Variants in EPHA3 observed in about 807,000 individuals in gnomAD.
The protein encoded by EPHA3 is ephrin type-A receptor 3.
Under a neutral mutation model 107.1 loss-of-function variants are expected in EPHA3, and 42 were observed. The observed-to-expected ratio is 0.39, with a 90% CI of 0.31 to 0.51. The LOEUF is 0.51. Among genes scored for constraint, EPHA3 ranks in the 20% least tolerant of loss-of-function variants. The probability of loss-of-function intolerance (pLI) is 0.78; values close to 1 mark genes in which losing one functional copy is unlikely to be tolerated. For synonymous variants in EPHA3, 461 were observed against 424.8 expected (o/e 1.09, Z -1.05); for missense variants, 1,183 against 1,211.2 (o/e 0.98, Z 0.35).
At chr3:89,458,623 T>G (rs1710149652) in intron 15 of EPHA3, among the ~76,000 whole-genome samples, 1 of 152,066 alleles carries the variant, frequency 6.6e-6, no homozygotes, top group African/African-American at 2.4e-5. Context: ...TTGAACTAAT[T>G]TACACGCCCA....
chr3:89,256,572 GAAATAAATAAATAAAT>G (rs370171364), intron 3 of EPHA3, among the ~76,000 whole-genome samples: 18 of 148,570 alleles, frequency 1.2e-4, no homozygotes, highest in South Asian at 4.3e-4. Flanking sequence ...CAAAAATAAG[GAAATAAATAAATAAAT>G]AAATAAATAA....
rs138119313 is a variant in EPHA3, at chr3:89,419,260, T to C, written c.1944T>C (p.Ile648=). The C allele has an allele frequency of 9.2e-5, 148 of 1,610,138 alleles. 1 individual carries two copies. Among genetic ancestry groups the C allele is most frequent in the Non-Finnish European group, 1.2e-4 (142 of 1,177,648 alleles). Reference sequence around the variant, plus strand: ...TAAAACTTCCTTCAAAAAAAGAGATTTCAGTGGCCATTAAGACCCTGAAAG... The same window carrying C: ...TAAAACTTCCTTCAAAAAAAGAGATCTCAGTGGCCATTAAGACCCTGAAAG... ...GRLKLPSKKE[I]SVAIKTLKVG... is the part of the protein sequence containing the mutation. Residue 648 remains isoleucine (I), a synonymous_variant, in exon 11 of 17, where the codon ATT becomes ATC. Transcript: ENST00000336596.
intron 3 of EPHA3, among the ~76,000 whole-genome samples, chr3:89,232,362 C>T (rs892819510): frequency 1.3e-5 from 2 of 151,910 alleles, no homozygotes; most frequent in East Asian, 1.9e-4. Context: ...CTGGCGGAGG[C>T]GGGAGCAGCA....
intron 3 of EPHA3, among the ~76,000 whole-genome samples, chr3:89,230,462 G>A (rs933129489): frequency 4.6e-5 from 7 of 152,064 alleles, no homozygotes; most frequent in African/African-American, 1.4e-4. Flanking sequence ...TGTGGAGTGA[G>A]CTGTGGAATG....
At chr3:89,253,699 A>G (rs1411179892) in intron 3 of EPHA3, among the ~76,000 whole-genome samples, 1 of 152,158 alleles carries the variant, frequency 6.6e-6, no homozygotes, top group Non-Finnish European at 1.5e-5. Context: ...TTTAGCTTAC[A>G]CACTGAGTTT....
At chr3:89,252,583 A>C (rs1193292387) in intron 3 of EPHA3, among the ~76,000 whole-genome samples, 1 of 152,116 alleles carries the variant, frequency 6.6e-6, no homozygotes, top group East Asian at 1.9e-4. Flanking sequence ...TTAAAAAATT[A>C]GTCAGGCATG....
At chr3:89,261,328 T>G (rs1705410132) in intron 3 of EPHA3, among the ~76,000 whole-genome samples, 1 of 152,182 alleles carries the variant, frequency 6.6e-6, no homozygotes, top group South Asian at 2.1e-4. Flanking sequence ...ACCTCCTGCC[T>G]TGTTCTTTGT....
intron 13 of EPHA3, 74 bp from the exon 14 acceptor site, chr3:89,449,151 G>C (rs1261781747): frequency 4.5e-6 from 6 of 1,327,602 alleles, no homozygotes; most frequent in Middle Eastern, 2.0e-4. Context: ...ATTCTGTCCG[G>C]TTTCAGATTA....
Position 89,423,732 on chromosome 3 carries a change from C to A in EPHA3, c.2074+4342C>A, listed in dbSNP as rs572092897. ...CATATTTAAACAGCTTTTGTTACTT[C>A]TTCATCACTGTCCACTTATGTCCCT... On this transcript the variant is annotated intron_variant, in intron 11 of 16. Coordinates refer to ENST00000336596, the MANE Select transcript of EPHA3 (RefSeq NM_005233.6). Among the ~76,000 whole-genome samples the A allele has an allele frequency of 2.0e-5, 3 of 151,562 alleles. No homozygotes were observed. In the South Asian group the frequency reaches 6.2e-4, roughly 31 times the overall value.
intron 3 of EPHA3, among the ~76,000 whole-genome samples, chr3:89,332,964 T>C (rs954050141): frequency 6.6e-6 from 1 of 152,192 alleles, no homozygotes; most frequent in African/African-American, 2.4e-5. Context: ...CACTTTGCAA[T>C]TGAAAGGCTG....
intron 10 of EPHA3, among the ~76,000 whole-genome samples, chr3:89,418,962 T>C (rs1360457590): frequency 2.6e-5 from 4 of 151,424 alleles, no homozygotes; most frequent in Non-Finnish European, 5.9e-5. Flanking sequence ...TATAGTGTCG[T>C]ACTTTAAAGT....
rs549323026 is a variant in EPHA3, at chr3:89,387,905, T to C, written c.1307-7932T>C. Among the ~76,000 whole-genome samples the C allele has an allele frequency of 2.0e-5, 3 of 152,272 alleles. No individual in the cohort carries two copies. In the South Asian group the frequency reaches 6.2e-4, roughly 32 times the overall value. On this transcript the variant is annotated intron_variant, in intron 5 of 16. Transcript: ENST00000336596. Reference sequence around the variant, plus strand: ...AGTCTTTAAAACTACTTTAGATCTTTAAAATTCAATGATTAAAATTTTGGA... The same window carrying C: ...AGTCTTTAAAACTACTTTAGATCTTCAAAATTCAATGATTAAAATTTTGGA...
intron 2 of EPHA3, among the ~76,000 whole-genome samples, chr3:89,158,067 A>T (rs1467608468): frequency 1.3e-5 from 2 of 152,038 alleles, no homozygotes; most frequent in African/African-American, 4.8e-5. Context: ...TATGTATACC[A>T]TTGCTTCACA....
chr3:89,130,822 G>A (rs959790157), intron 2 of EPHA3, among the ~76,000 whole-genome samples: 1 of 151,984 alleles, frequency 6.6e-6, no homozygotes, highest in African/African-American at 2.4e-5. Flanking sequence ...TTTTTTAGTA[G>A]AGACGGGGTT....
chr3:89,431,466 T>C (rs2107537430), intron 13 of EPHA3, 107 bp downstream of exon 13: 1 of 815,562 alleles, frequency 1.2e-6, no homozygotes, highest in Non-Finnish European at 1.9e-6. Flanking sequence ...TCAATTATGC[T>C]TTCCACAATA....
At chr3:89,472,838 T>C (rs1168023520) in intron 16 of EPHA3, among the ~76,000 whole-genome samples, 2 of 152,144 alleles carry the variant, frequency 1.3e-5, no homozygotes, top group Non-Finnish European at 2.9e-5. Context: ...TCTCTCAAGA[T>C]AGGGCCCAGG....
chr3:89,219,236 T>C (rs550785264), intron 3 of EPHA3, among the ~76,000 whole-genome samples: 2 of 152,196 alleles, frequency 1.3e-5, no homozygotes, highest in East Asian at 3.9e-4. Flanking sequence ...GGATCTCGGC[T>C]CACCGCAACC....
intron 3 of EPHA3, among the ~76,000 whole-genome samples, chr3:89,236,670 A>T (rs1432352300): frequency 6.6e-6 from 1 of 151,924 alleles, no homozygotes; most frequent in African/African-American, 2.4e-5. Flanking sequence ...AGCATGGCAC[A>T]TGTATACATA....
At chr3:89,287,220 C>T (rs1169339779) in intron 3 of EPHA3, among the ~76,000 whole-genome samples, 1 of 152,108 alleles carries the variant, frequency 6.6e-6, no homozygotes, top group East Asian at 1.9e-4. Flanking sequence ...TAAATCTAAG[C>T]CACAGAACAA....
Sources: allele counts gnomAD v4.1 joint callset (sites outside exome capture counted in the v4.1 genomes callset), GRCh38; gene constraint gnomAD v4.1.1; transcripts MANE v1.5; gene names NCBI Gene and HGNC (gene_info 2026-07-23, HGNC 2026-07-21).